The following RRN3 variants were observed in gnomAD, a reference collection of about 807,000 sequenced individuals.
The protein encoded by RRN3 is RNA polymerase I transcription factor RRN3, also known as RNA polymerase I-specific transcription initiation factor RRN3.
In RRN3, 38 loss-of-function variants were observed where a neutral mutation model predicts 82.3. The observed-to-expected ratio is 0.46, with a 90% CI of 0.36 to 0.61. RRN3 has a LOEUF of 0.61. RRN3 is among the 20% of genes least tolerant of loss of function. The pLI, the probability that RRN3 is intolerant of heterozygous loss-of-function variation, is 0.00. For synonymous variants in RRN3, 284 were observed against 284.3 expected, an observed-to-expected ratio of 1.00 and a Z score of 0.01; for missense variants, 726 against 793.1, an observed-to-expected ratio of 0.92 and a Z score of 1.02.
At chr16:15,071,922 A>G (rs2045248989) in intron 12 of RRN3, among the ~76,000 whole-genome samples, 1 of 152,206 alleles carries the variant, frequency 6.6e-6, no homozygotes, top group Non-Finnish European at 1.5e-5. Flanking sequence ...TTCACATCCC[A>G]TGGAGCTCCA....
chr16:15,061,620 C>G lies in RRN3; in HGVS notation c.*124G>C, dbSNP rs1290384914. 1 of 839,742 alleles carries G rather than the reference C, an allele frequency of 1.2e-6. No individual in the cohort carries two copies. Among genetic ancestry groups the G allele is most frequent in the African/African-American group, 1.7e-5 (1 of 59,206 alleles). 52.0% of individuals were successfully genotyped at this position (839,742 alleles called of 1,614,324 possible). ...GATTCAGTCGAACCTGGAAGTGCCACAGCCGAGGCAGGCACTCGCTCTAGT... is the reference window on the plus strand; with the variant it reads ...GATTCAGTCGAACCTGGAAGTGCCAGAGCCGAGGCAGGCACTCGCTCTAGT... On this transcript the variant is annotated 3_prime_UTR_variant, in exon 18 of 18. Coordinates refer to ENST00000198767, the MANE Select transcript of RRN3 (RefSeq NM_018427.5).
At chr16:15,062,201 C>A (rs961555499) in intron 17 of RRN3, among the ~76,000 whole-genome samples, 1 of 152,090 alleles carries the variant, frequency 6.6e-6, no homozygotes, top group Non-Finnish European at 1.5e-5. Context: ...TCCTTCTTAC[C>A]AACATACCCA....
intron 3 of RRN3, among the ~76,000 whole-genome samples, chr16:15,088,421 C>A (rs902261956): frequency 6.6e-6 from 1 of 152,000 alleles, no homozygotes; most frequent in African/African-American, 2.4e-5. Flanking sequence ...GAGCCATGAT[C>A]GGGCCCATTA....
chr16:15,065,110 A>G, intron 16 of RRN3, 109 bp downstream of exon 16: 2 of 1,122,234 alleles, frequency 1.8e-6, no homozygotes, highest in Non-Finnish European at 1.3e-6. Context: ...AGCTTGCGGT[A>G]AGCCGAGATC....
At chr16:15,088,319 T>C (rs1244528627) in intron 3 of RRN3, among the ~76,000 whole-genome samples, 2 of 151,794 alleles carry the variant, frequency 1.3e-5, no homozygotes, top group Non-Finnish European at 2.9e-5. Context: ...CCAGAAAAAT[T>C]AGCCAGGCAT....
chr16:15,092,024 A>T (rs2046151119), intron 2 of RRN3, among the ~76,000 whole-genome samples: 1 of 152,204 alleles, frequency 6.6e-6, no homozygotes, highest in South Asian at 2.1e-4. Context: ...TAAAAAAATA[A>T]AAAAATTAGC....
chr16:15,065,213 A>C lies in RRN3; in HGVS notation c.1706+6T>G. On this transcript the variant is annotated splice_donor_region_variant and intron_variant, in intron 16 of 17. Transcript: ENST00000198767. The stretch of plus-strand genomic sequence containing the variant: ...TCCTCCAGCGTCAATGTTTAAAAGT[A>C]CCTACCTCTTCAGCACACAGGGATC... 1 of 1,601,074 alleles carries C rather than the reference A, an allele frequency of 6.2e-7. No homozygotes were observed. Among genetic ancestry groups the C allele is most frequent in the Non-Finnish European group, 8.5e-7 (1 of 1,175,458 alleles).
intron 6 of RRN3, 75 bp from the exon 7 acceptor site, chr16:15,084,780 T>C (rs1436078879): frequency 1.3e-5 from 14 of 1,070,874 alleles, no homozygotes; most frequent in East Asian, 2.5e-5. Context: ...TAAAAATAAA[T>C]GCTGGCTGGG....
intron 9 of RRN3, among the ~76,000 whole-genome samples, chr16:15,079,689 T>G (rs1223597944): frequency 6.6e-6 from 1 of 152,016 alleles, no homozygotes; most frequent in Non-Finnish European, 1.5e-5. Context: ...GCCTCCCGGA[T>G]TCAAGCAATT....
chr16:15,069,021 C>T (rs977212845), intron 14 of RRN3, among the ~76,000 whole-genome samples: 1 of 152,142 alleles, frequency 6.6e-6, no homozygotes, highest in African/African-American at 2.4e-5. Context: ...AAAAGCAGAG[C>T]TTGTATTTAC....
intron 14 of RRN3, among the ~76,000 whole-genome samples, chr16:15,069,618 C>A (rs2045136911): frequency 6.6e-6 from 1 of 152,196 alleles, no homozygotes; most frequent in South Asian, 2.1e-4. Context: ...CTTCAGTTTT[C>A]TAATCCTGCC....
chr16:15,090,861 A>T (rs1368196438), intron 3 of RRN3, among the ~76,000 whole-genome samples: 2 of 149,324 alleles, frequency 1.3e-5, no homozygotes, highest in African/African-American at 2.4e-5. Flanking sequence ...GGAAATGCTG[A>T]ATCAGTGGTT....
chr16:15,084,211 A>G (rs886630442), intron 7 of RRN3, among the ~76,000 whole-genome samples: 2 of 152,076 alleles, frequency 1.3e-5, no homozygotes, highest in African/African-American at 2.4e-5. Flanking sequence ...ATCAAGTTGG[A>G]TTTTTTTTAA....
chr16:15,084,959 A>G (rs1327109600), intron 6 of RRN3, among the ~76,000 whole-genome samples: 10 of 152,090 alleles, frequency 6.6e-5, no homozygotes, highest in Admixed American at 6.6e-4. Context: ...CCATCTACTC[A>G]GGAGGCTGAA....
chr16:15,072,066 G>C (rs2045255962), intron 12 of RRN3, among the ~76,000 whole-genome samples: 1 of 152,088 alleles, frequency 6.6e-6, no homozygotes, highest in Non-Finnish European at 1.5e-5. Context: ...AACAGACACA[G>C]CTTCTCACCA....
Position 15,061,490 on chromosome 16 carries a change from T to C in RRN3, c.*254A>G, listed in dbSNP as rs2044708301. ...ATGTACATATTAAACAAGCAAATCCTTCCAAATGTATCATCAACCCCACTG... is the reference window on the plus strand; with the variant it reads ...ATGTACATATTAAACAAGCAAATCCCTCCAAATGTATCATCAACCCCACTG... On this transcript the variant is annotated 3_prime_UTR_variant, in exon 18 of 18. Coordinates refer to ENST00000198767, the MANE Select transcript of RRN3 (RefSeq NM_018427.5). 2.5e-6 allele frequency: 1 copy of C among 397,006 alleles called. No homozygotes were observed. The allele number at this position is 397,006 out of a possible 1,614,324, so 24.6% of individuals were successfully genotyped here.
At position 15,094,156 on chromosome 16, in the gene RRN3, C is replaced by T. The variant is rs750002202; in HGVS notation, c.78G>A (p.Ala26=). Residue 26 remains alanine (A), a synonymous_variant, in exon 1 of 18, where the codon GCG becomes GCA. Transcript: ENST00000198767. ...ASSSAVKKLG[A]SRTGISNMRA... The stretch of plus-strand genomic sequence containing the variant: ...GGCCTGAATCTTACCCAGTCCTCGA[C>T]GCGCCCAGCTTCTTAACTGCAGAGG... 1 of 1,599,696 alleles carries T rather than the reference C, an allele frequency of 6.3e-7. No homozygotes were observed. The highest frequency in any genetic ancestry group is 8.5e-7 in the Non-Finnish European group (1 of 1,173,234).
intron 14 of RRN3, 116 bp from the exon 15 acceptor site, chr16:15,068,393 C>T: frequency 2.2e-6 from 3 of 1,348,474 alleles, no homozygotes; most frequent in Admixed American, 2.9e-5. Context: ...AAATTATTTG[C>T]AGAAATGCTT....
intron 6 of RRN3, among the ~76,000 whole-genome samples, 194 bp from the exon 7 acceptor site, chr16:15,084,899 C>G (rs1451658898): frequency 3.3e-5 from 5 of 152,032 alleles, no homozygotes; most frequent in African/African-American, 7.2e-5. Context: ...AACCCCATCT[C>G]TACTAAAAAT....
Sources: gnomAD v4.1 joint callset for allele counts (sites outside exome capture counted in the v4.1 genomes callset) on GRCh38, gnomAD v4.1.1 for gene constraint, MANE v1.5 for transcripts, NCBI Gene and HGNC (gene_info 2026-07-23, HGNC 2026-07-21) for gene names.